Variants in CELF1 observed in about 807,000 individuals in gnomAD.
CELF1 encodes the protein 50 kDa nuclear polyadenylated RNA-binding protein.
In CELF1, 10 loss-of-function variants were observed where a neutral mutation model predicts 61.8. That is an observed-to-expected ratio of 0.16 (90% CI 0.10 to 0.27). CELF1 has a LOEUF of 0.27. Ranked by LOEUF, CELF1 falls within the 10% of genes least tolerant of loss-of-function variation. The probability of loss-of-function intolerance (pLI) is 1.00; values close to 1 mark genes in which losing one functional copy is unlikely to be tolerated. For missense variants in CELF1, 380 were observed against 639.1 expected, an observed-to-expected ratio of 0.59 and a Z score of 4.37; for synonymous variants, 236 against 225.1, an observed-to-expected ratio of 1.05 and a Z score of -0.43.
intron 13 of CELF1, among the ~76,000 whole-genome samples, chr11:47,474,421 C>T (rs1453769227): frequency 6.6e-6 from 1 of 152,214 alleles, no homozygotes; most frequent in Non-Finnish European, 1.5e-5. Context: ...TCTAGAGAGA[C>T]ATTCTCTGAG....
At chr11:47,540,122 G>C (rs1477130768) in intron 1 of CELF1, among the ~76,000 whole-genome samples, 1 of 152,096 alleles carries the variant, frequency 6.6e-6, no homozygotes, top group African/African-American at 2.4e-5. Flanking sequence ...CTCCCCTAAA[G>C]TATATGCAAT....
chr11:47,521,108 C>T (rs945160328), intron 1 of CELF1, among the ~76,000 whole-genome samples: 7 of 151,976 alleles, frequency 4.6e-5, no homozygotes, highest in East Asian at 2.0e-4. Flanking sequence ...AAAAATTAGC[C>T]GGGCATAGTG....
intron 2 of CELF1, among the ~76,000 whole-genome samples, chr11:47,560,212 G>A (rs1476297668): frequency 1.3e-5 from 2 of 152,036 alleles, no homozygotes; most frequent in Non-Finnish European, 1.5e-5. Flanking sequence ...GATCACTTGA[G>A]CCTGGGAGGT....
chr11:47,520,422 A>G (rs2095823398), intron 1 of CELF1, among the ~76,000 whole-genome samples: 1 of 152,150 alleles, frequency 6.6e-6, no homozygotes, highest in African/African-American at 2.4e-5. Flanking sequence ...CACACAGATT[A>G]TAAGTTTATG....
chr11:47,483,339 G>T, intron 8 of CELF1, 114 bp downstream of exon 8: 1 of 767,066 alleles, frequency 1.3e-6, no homozygotes, highest in Non-Finnish European at 2.3e-6. Flanking sequence ...TTAAGATGTT[G>T]GCTGTTTAAC....
rs549378840 is a variant in CELF1, at chr11:47,480,587, C to T, written c.769-1635G>A. 9.2e-5 allele frequency among the ~76,000 whole-genome samples: 14 copies of T among 152,306 alleles called. No homozygotes were observed. In the East Asian group the frequency reaches 2.5e-3, roughly 27 times the overall value. On this transcript the variant is annotated intron_variant, in intron 9 of 14. Transcript: ENST00000687097. ...GTGGCAATGACAACAAAAAGGTTAA[C>T]CTTCCCTAAAGGGGGGCTCCAAAAG...
intron 1 of CELF1, among the ~76,000 whole-genome samples, chr11:47,509,742 T>C (rs996985931): frequency 6.6e-6 from 1 of 151,728 alleles, no homozygotes; most frequent in Non-Finnish European, 1.5e-5. Context: ...AATACAAACA[T>C]TAGGCCAGAT....
chr11:47,475,309 C>G (rs1203318340), intron 13 of CELF1, 27 bp downstream of exon 13: 1 of 1,611,046 alleles, frequency 6.2e-7, no homozygotes, highest in Admixed American at 1.7e-5. Context: ...CCCCCCATAC[C>G]TGACCCCGAT....
At chr11:47,504,817 G>A (rs1226787875) in intron 1 of CELF1, among the ~76,000 whole-genome samples, 2 of 147,928 alleles carry the variant, frequency 1.4e-5, no homozygotes, top group South Asian at 2.1e-4. Flanking sequence ...CAGGAGAATC[G>A]CTTGAACCCA....
intron 9 of CELF1, among the ~76,000 whole-genome samples, chr11:47,479,259 T>C (rs1051473463): frequency 1.3e-4 from 20 of 152,268 alleles, no homozygotes; most frequent in African/African-American, 4.6e-4. Context: ...AAGCTAAACT[T>C]GAGGAGCTAC....
At chr11:47,550,673 A>AT (rs1353074025) in intron 1 of CELF1, among the ~76,000 whole-genome samples, 1 of 151,956 alleles carries the variant, frequency 6.6e-6, no homozygotes, top group East Asian at 1.9e-4. Flanking sequence ...GAGTTTCTTC[A>AT]TTTTTTGACT....
chr11:47,521,664 G>A lies in CELF1; in HGVS notation c.-153-20732C>T, dbSNP rs151188288. Among the ~76,000 whole-genome samples the A allele has an allele frequency of 6.6e-4, 100 of 152,330 alleles. 3 individuals are homozygous for A. The highest frequency in any genetic ancestry group is 2.1e-3 in the African/African-American group (86 of 41,572). On this transcript the variant is annotated intron_variant, in intron 1 of 14. Coordinates refer to ENST00000687097, the MANE Select transcript of CELF1 (RefSeq NM_001376376.1). ...GAATAGTGCCTGACACATAGAAAGT[G>A]CTCAATAAACATTTGCTACTATTAT...
At chr11:47,531,261 AC>A (rs2096462547) in intron 1 of CELF1, among the ~76,000 whole-genome samples, 3 of 148,968 alleles carry the variant, frequency 2.0e-5, no homozygotes, top group African/African-American at 5.1e-5. Flanking sequence ...AACAACAACA[AC>A]AACAAAAAAC....
intron 3 of CELF1, 38 bp from the exon 4 acceptor site, chr11:47,489,062 TGTTGCTTTCCAGA>T (rs1477512120): frequency 1.4e-6 from 2 of 1,440,654 alleles, no homozygotes; most frequent in Non-Finnish European, 1.8e-6. Context: ...TATGTAATAA[TGTTGCTTTCCAGA>T]GGAAATTTTC....
chr11:47,532,981 C>A (rs2096526900), intron 1 of CELF1, among the ~76,000 whole-genome samples: 1 of 152,144 alleles, frequency 6.6e-6, no homozygotes, highest in Non-Finnish European at 1.5e-5. Flanking sequence ...TTTCTCTGAA[C>A]CCCAGTGACA....
At chr11:47,557,086 G>A (rs967898875), upstream of CELF1, among the ~76,000 whole-genome samples, 6 of 151,872 alleles carry the variant, frequency 4.0e-5, no homozygotes, top group Non-Finnish European at 8.8e-5. Flanking sequence ...TTTTAGTAGA[G>A]TCGGGGTTTC....
At chr11:47,503,905 G>T (rs1161652060) in intron 1 of CELF1, among the ~76,000 whole-genome samples, 8 of 152,206 alleles carry the variant, frequency 5.3e-5, no homozygotes, top group Non-Finnish European at 1.2e-4. Context: ...CAAGAACACA[G>T]GCTTCACGCC....
At chr11:47,537,497 TCAGTCTCCC>T (rs1311720660) in intron 1 of CELF1, among the ~76,000 whole-genome samples, 1 of 152,048 alleles carries the variant, frequency 6.6e-6, no homozygotes, top group African/African-American at 2.4e-5. Context: ...TCCACCCGAC[TCAGTCTCCC>T]AATGTGCTGG....
chr11:47,479,136 C>T (rs1423979434), intron 9 of CELF1, among the ~76,000 whole-genome samples, 184 bp from the exon 10 acceptor site: 1 of 151,492 alleles, frequency 6.6e-6, no homozygotes, highest in Non-Finnish European at 1.5e-5. Context: ...AAAAAAAAAA[C>T]ACAGCTAAAG....
Sources: allele counts gnomAD v4.1 joint callset (sites outside exome capture counted in the v4.1 genomes callset), GRCh38; gene constraint gnomAD v4.1.1; transcripts MANE v1.5; gene names NCBI Gene and HGNC (gene_info 2026-07-23, HGNC 2026-07-21).